Variants in ZNF845 observed in about 807,000 individuals in gnomAD.
ZNF845 encodes zinc finger protein 845.
In ZNF845, 59 loss-of-function variants were observed where a neutral mutation model predicts 76.1. The ratio of observed to expected loss-of-function variants is 0.78; its 90% CI spans 0.63 to 0.96. The LOEUF is 0.96. Among genes scored for constraint, ZNF845 ranks in the 40% least tolerant of loss-of-function variants. ZNF845 has a pLI of 0.00. For synonymous variants in ZNF845, 361 were observed against 386.9 expected, an observed-to-expected ratio of 0.93 and a Z score of 0.78; for missense variants, 1,045 against 1,172.8, an observed-to-expected ratio of 0.89 and a Z score of 1.59.
chr19:53,344,952 CTTTT>C (rs2085284221), intron 2 of ZNF845, among the ~76,000 whole-genome samples: 1 of 152,098 alleles, frequency 6.6e-6, no homozygotes, highest in Non-Finnish European at 1.5e-5. Flanking sequence ...GCATTGATTT[CTTTT>C]GTGTGTATTT....
chr19:53,350,634 G>T (rs1437990971), intron 3 of ZNF845, among the ~76,000 whole-genome samples, 184 bp from the exon 4 acceptor site: 1 of 152,148 alleles, frequency 6.6e-6, no homozygotes, highest in Non-Finnish European at 1.5e-5. Context: ...CCATAGAAAT[G>T]ATTTCAAGTA....
chr19:53,334,537 GAA>G (rs2085199135), intron 1 of ZNF845, among the ~76,000 whole-genome samples: 2 of 151,966 alleles, frequency 1.3e-5, no homozygotes, highest in Admixed American at 6.6e-5. Context: ...CAGGGAAAAA[GAA>G]AACAAGAGCT....
chr19:53,339,484 C>T (rs996321074), intron 1 of ZNF845, among the ~76,000 whole-genome samples: 5 of 152,200 alleles, frequency 3.3e-5, no homozygotes, highest in East Asian at 1.9e-4. Flanking sequence ...CTTCCACCTT[C>T]GTGTCCGCTG....
In ZNF845 at chr19:53,352,557, A is replaced by G. The variant is rs759518183; in HGVS notation, c.1882A>G (p.Thr628Ala). 4.4e-6 allele frequency: 7 copies of G among 1,608,476 alleles called. No homozygotes were observed. Among genetic ancestry groups the G allele is most frequent in the Middle Eastern group, 1.7e-4 (1 of 6,058 alleles). Reference protein sequence around the residue: ...HRSYLAVHWRTHSGEKPYKCE... With the variant: ...HRSYLAVHWRAHSGEKPYKCE... ...TTCATACCTTGCAGTTCATTGGCGA[A>G]CTCATAGTGGAGAGAAACCTTACAA... The change falls in exon 4 of 4, where the codon ACT becomes GCT. Residue 628 changes from threonine to alanine, a missense_variant. Coordinates refer to ENST00000458035, the MANE Select transcript of ZNF845 (RefSeq NM_138374.3).
At chr19:53,344,731 A>G (rs946929009) in intron 2 of ZNF845, among the ~76,000 whole-genome samples, 24 of 151,576 alleles carry the variant, frequency 1.6e-4, no homozygotes, top group South Asian at 4.2e-4. Flanking sequence ...CCCTGCTTCA[A>G]GCAATTCTCC....
chr19:53,354,120 C>G lies in ZNF845; in HGVS notation c.*532C>G. The G allele has an allele frequency of 1.7e-6, 1 of 574,992 alleles. No homozygotes were observed. The highest frequency in any genetic ancestry group is 3.2e-6 in the Non-Finnish European group (1 of 309,626). 35.6% of individuals were successfully genotyped at this position (574,992 alleles called of 1,614,324 possible). On this transcript the variant is annotated 3_prime_UTR_variant, in exon 4 of 4. Coordinates refer to ENST00000458035, the MANE Select transcript of ZNF845 (RefSeq NM_138374.3). Reference sequence around the variant, plus strand: ...TGATTGCAGCAAAGCCTTTACTTCACGTTCACACCTAATTAGACATCAGAG... The same window carrying G: ...TGATTGCAGCAAAGCCTTTACTTCAGGTTCACACCTAATTAGACATCAGAG...
chr19:53,350,763 G>A, intron 3 of ZNF845, 55 bp from the exon 4 acceptor site: 2 of 1,561,686 alleles, frequency 1.3e-6, no homozygotes, highest in Non-Finnish European at 1.7e-6. Flanking sequence ...ACACATTTCA[G>A]TATTATTTAC....
rs781032435 is a variant in ZNF845, at chr19:53,352,681, G to A, written c.2006G>A (p.Gly669Asp). Reference sequence around the variant, plus strand: ...AAACCTTACAGGTGTAATGAATGTGGCAAGACCTTTAGTCGGAAGTCATAC... The same window carrying A: ...AAACCTTACAGGTGTAATGAATGTGACAAGACCTTTAGTCGGAAGTCATAC... Reference protein sequence around the residue: ...GEKPYRCNECGKTFSRKSYLT... With the variant: ...GEKPYRCNECDKTFSRKSYLT... Residue 669 changes from glycine (G) to aspartate (D), a missense_variant, in exon 4 of 4, where the codon GGC (glycine) becomes GAC (aspartate). Coordinates refer to ENST00000458035, the MANE Select transcript of ZNF845 (RefSeq NM_138374.3). The A allele has an allele frequency of 6.2e-7, 1 of 1,613,344 alleles. No individual in the cohort carries two copies. The highest frequency in any genetic ancestry group is 8.5e-7 in the Non-Finnish European group (1 of 1,179,770).
In ZNF845 at chr19:53,340,813, C is replaced by T. The variant is rs77463709; in HGVS notation, c.-73-422C>T. 3.5e-3 allele frequency: 1,254 copies of T among 354,438 alleles called. 18 individuals carry two copies. The highest frequency in any genetic ancestry group is 0.024 in the African/African-American group (1,152 of 47,232). The allele number at this position is 354,438 out of a possible 1,614,324, so 22.0% of individuals were successfully genotyped here. On this transcript the variant is annotated intron_variant, in intron 1 of 3. Transcript: ENST00000458035. ...CTGTTTCCCGTGTCCTCCTCCCTCC[C>T]TCTGCTCCAGCCATGCAGGCGTCTT...
At position 53,352,550 on chromosome 19, in the gene ZNF845, T is replaced by C. The variant is rs1190044759; in HGVS notation, c.1875T>C (p.His625=). ...GACATCGTTCATACCTTGCAGTTCATTGGCGAACTCATAGTGGAGAGAAAC... is the reference window on the plus strand; with the variant it reads ...GACATCGTTCATACCTTGCAGTTCACTGGCGAACTCATAGTGGAGAGAAAC... The part of the protein sequence containing the change: ...FFRHRSYLAV[H]WRTHSGEKPY... The change falls in exon 4 of 4, where the codon CAT becomes CAC. Residue 625 remains histidine (H), a synonymous_variant. Coordinates refer to ENST00000458035, the MANE Select transcript of ZNF845 (RefSeq NM_138374.3). 6.2e-7 allele frequency: 1 copy of C among 1,608,140 alleles called. No individual in the cohort carries two copies. The highest frequency in any genetic ancestry group is 1.1e-5 in the South Asian group (1 of 90,598).
intron 1 of ZNF845, among the ~76,000 whole-genome samples, chr19:53,335,444 T>G (rs962882583): frequency 2.3e-4 from 35 of 151,850 alleles, no homozygotes; most frequent in African/African-American, 6.0e-4. Context: ...TATTTTTTTT[T>G]TGTAGAAATG....
At chr19:53,337,200 C>T (rs1231925242) in intron 1 of ZNF845, 2 of 456,380 alleles carry the variant, frequency 4.4e-6, no homozygotes, top group Non-Finnish European at 8.8e-6. Context: ...GCTGTCCCTG[C>T]TCTTACCCTG....
At chr19:53,334,542 C>G (rs1482431238) in intron 1 of ZNF845, among the ~76,000 whole-genome samples, 1 of 151,688 alleles carries the variant, frequency 6.6e-6, no homozygotes, top group African/African-American at 2.4e-5. Flanking sequence ...AAAAAGAAAA[C>G]AAGAGCTAGA....
intron 2 of ZNF845, among the ~76,000 whole-genome samples, chr19:53,344,610 T>TTATGTTATGTTATGTTATGTTATGTTATG (rs1568736743): frequency 7.7e-6 from 1 of 129,584 alleles, no homozygotes; most frequent in Admixed American, 9.2e-5. Flanking sequence ...TTTTATTTAT[T>TTATGTTATGTTATGTTATGTTATGTTATG]TTATTTTATT....
Position 53,353,042 on chromosome 19 carries a change from C to T in ZNF845, c.2367C>T (p.His789=), listed in dbSNP as rs2085355013. The T allele has an allele frequency of 6.2e-7, 1 of 1,613,858 alleles. No homozygotes were observed. The change falls in exon 4 of 4, where the codon CAC becomes CAT. Residue 789 remains histidine (H), a synonymous_variant. Transcript: ENST00000458035. The part of the protein sequence containing the change: ...VCDKAFGRDS[H]LAQHTRIHTG... Reference sequence around the variant, plus strand: ...ACAAAGCTTTTGGGCGTGATTCACACCTGGCACAACATACTAGAATTCACA... The same window carrying T: ...ACAAAGCTTTTGGGCGTGATTCACATCTGGCACAACATACTAGAATTCACA...
rs769516425 is a variant in ZNF845 at position 53,353,408 on chromosome 19, AG to A, written c.2734del (p.Glu912ArgfsTer20). The A allele has an allele frequency of 2.5e-6, 4 of 1,613,828 alleles. No individual in the cohort carries two copies. The Admixed American group carries it at 6.7e-5, about 27-fold the overall frequency. On this transcript the variant is annotated frameshift_variant, in exon 4 of 4. Coordinates refer to ENST00000458035, the MANE Select transcript of ZNF845 (RefSeq NM_138374.3). LOFTEE classifies it high-confidence loss of function. ...CATGTCATCATAGAATTCATACTGG[AG>A]AGAAACCTTACAAGTGTAATGAGTG... ...LACHHRIHTG[E>X]KPYKCNECGK... is the part of the protein sequence containing the mutation.
At position 53,352,355 on chromosome 19, in the gene ZNF845, T is replaced by G; in HGVS notation, c.1680T>G (p.Phe560Leu). ...AGTGTAATGAGTGTGGCAAAGCCTT[T>G]CGTGGGCAGTCAGCACTTATTTACC... ...PYQCNECGKA[F>L]RGQSALIYHQ... is the part of the protein sequence containing the mutation. Residue 560 changes from phenylalanine to leucine, a missense_variant, in exon 4 of 4, where the codon TTT becomes TTG. Coordinates refer to ENST00000458035, the MANE Select transcript of ZNF845 (RefSeq NM_138374.3). The G allele has an allele frequency of 6.2e-7, 1 of 1,612,558 alleles. No individual in the cohort carries two copies. The highest frequency in any genetic ancestry group is 8.5e-7 in the Non-Finnish European group (1 of 1,179,488).
chr19:53,345,115 A>C (rs2085285319), intron 2 of ZNF845, among the ~76,000 whole-genome samples: 1 of 152,172 alleles, frequency 6.6e-6, no homozygotes, highest in Non-Finnish European at 1.5e-5. Flanking sequence ...CAGGAGTTCG[A>C]GATCAGCCTG....
rs913565523 is a variant in ZNF845 at position 53,355,842 on chromosome 19, G to A, written c.*2254G>A. The A allele has an allele frequency of 1.3e-5, 2 of 152,042 alleles. No homozygotes were observed. The highest frequency in any genetic ancestry group is 1.5e-5 in the Non-Finnish European group (1 of 68,008). The allele number at this position is 152,042 out of a possible 1,614,324, so 9.4% of individuals were successfully genotyped here. A position where few individuals can be genotyped will look rare whatever the true frequency, so the allele number is the denominator to read the frequency against. On this transcript the variant is annotated 3_prime_UTR_variant, in exon 4 of 4. Coordinates refer to ENST00000458035, the MANE Select transcript of ZNF845 (RefSeq NM_138374.3). ...TACCTATATTGTTTAGGATTTTTAC[G>A]AAGAATGAATATTGAGTTCTGTGAA...
Sources: allele counts gnomAD v4.1 joint callset (sites outside exome capture counted in the v4.1 genomes callset), GRCh38; gene constraint gnomAD v4.1.1; transcripts MANE v1.5; gene names NCBI Gene and HGNC (gene_info 2026-07-23, HGNC 2026-07-21).